C12orf54: variants seen among roughly 807,000 people sequenced by gnomAD.
C12orf54 encodes the protein chromosome 12 open reading frame 54, also known as uncharacterized protein C12orf54.
In C12orf54, 24 loss-of-function variants were observed where a neutral mutation model predicts 26.4. The observed-to-expected ratio is 0.91, with a 90% CI of 0.66 to 1.28. The LOEUF is 1.28. Ranked by LOEUF, C12orf54 falls within the 50% of genes most tolerant of loss-of-function variation. C12orf54 has a pLI of 0.00. For missense variants in C12orf54, 154 were observed against 150.9 expected (o/e 1.02, Z -0.11); for synonymous variants, 54 against 47.0 (o/e 1.15, Z -0.61).
intron 8 of C12orf54, among the ~76,000 whole-genome samples, chr12:48,495,951 C>A (rs565646433): frequency 6.6e-6 from 1 of 152,282 alleles, no homozygotes; most frequent in Non-Finnish European, 1.5e-5. Flanking sequence ...ACATAGACAG[C>A]AAGTGTAGGA....
intron 2 of C12orf54, among the ~76,000 whole-genome samples, chr12:48,484,135 C>T (rs762768922): frequency 6.6e-5 from 10 of 152,104 alleles, no homozygotes; most frequent in South Asian, 4.1e-4. Flanking sequence ...GCGGAGGTTG[C>T]GGTGAGCCGG....
the C12orf54 span, among the ~76,000 whole-genome samples, chr12:48,459,359 G>A: frequency 2.0e-5 from 3 of 152,034 alleles, no homozygotes; most frequent in Non-Finnish European, 2.9e-5. Context: ...TTGGGCCAAC[G>A]GAAAGTGAGT....
At chr12:48,427,833 A>G in the C12orf54 span, among the ~76,000 whole-genome samples, 2 of 152,102 alleles carry the variant, frequency 1.3e-5, no homozygotes, top group African/African-American at 4.8e-5. Context: ...TAACAGGTGT[A>G]TATAGAACAT....
chr12:48,463,539 G>A, the C12orf54 span, among the ~76,000 whole-genome samples: 1 of 151,620 alleles, frequency 6.6e-6, no homozygotes, highest in African/African-American at 2.4e-5. Context: ...AAAAATTGAG[G>A]AGGAGGGACT....
chr12:48,417,128 C>T, the C12orf54 span: 1 of 152,142 alleles, frequency 6.6e-6, no homozygotes, highest in African/African-American at 2.4e-5. Flanking sequence ...TATTATGTGA[C>T]AGCAGAAAAA....
At chr12:48,419,288 T>C in the C12orf54 span, among the ~76,000 whole-genome samples, 1 of 152,202 alleles carries the variant, frequency 6.6e-6, no homozygotes, top group South Asian at 2.1e-4. Flanking sequence ...AAAGCCCTAG[T>C]TCTGTTTCTT....
upstream of C12orf54, among the ~76,000 whole-genome samples, chr12:48,480,080 A>G (rs957879925): frequency 6.6e-6 from 1 of 152,154 alleles, no homozygotes; most frequent in African/African-American, 2.4e-5. Context: ...TCTTCATTAA[A>G]AGCTTCATTT....
the C12orf54 span, among the ~76,000 whole-genome samples, chr12:48,445,661 A>G: frequency 1.3e-5 from 2 of 152,222 alleles, no homozygotes; most frequent in Non-Finnish European, 1.5e-5. Flanking sequence ...AAGATATAGG[A>G]AAGAGATCTT....
At chr12:48,437,002 C>G in the C12orf54 span, among the ~76,000 whole-genome samples, 1 of 134,396 alleles carries the variant, frequency 7.4e-6, no homozygotes, top group Non-Finnish European at 1.6e-5. Context: ...AATTGATAGA[C>G]TGCTAGCAAG....
chr12:48,473,049 A>C, the C12orf54 span: 2 of 1,614,122 alleles, frequency 1.2e-6, no homozygotes, highest in Non-Finnish European at 1.7e-6. Context: ...AACCAACCTG[A>C]ACAACTACTG....
upstream of C12orf54, among the ~76,000 whole-genome samples, chr12:48,480,576 G>A (rs1954188576): frequency 1.3e-5 from 2 of 152,154 alleles, no homozygotes; most frequent in African/African-American, 4.8e-5. Flanking sequence ...TAAGTCAAAA[G>A]ATAACAGATG....
chr12:48,455,056 C>T, the C12orf54 span, among the ~76,000 whole-genome samples: 1 of 152,160 alleles, frequency 6.6e-6, no homozygotes, highest in African/African-American at 2.4e-5. Context: ...TTTCATCATC[C>T]AGGTAGTGAG....
chr12:48,492,807 G>A (rs1592204493), intron 6 of C12orf54, 140 bp from the exon 7 acceptor site: 2 of 689,176 alleles, frequency 2.9e-6, no homozygotes, highest in East Asian at 5.4e-5. Flanking sequence ...TCTCTGATGG[G>A]CCTGTTAGGT....
chr12:48,492,160 C>T (rs192236458), intron 6 of C12orf54, among the ~76,000 whole-genome samples: 1 of 152,232 alleles, frequency 6.6e-6, no homozygotes, highest in African/African-American at 2.4e-5. Context: ...TCTGGAACCA[C>T]TCTATGCTTT....
intron 2 of C12orf54, 91 bp from the exon 3 acceptor site, chr12:48,486,086 AT>A: frequency 7.9e-7 from 1 of 1,271,448 alleles, no homozygotes; most frequent in Non-Finnish European, 1.1e-6. Context: ...AACTTCAAGA[AT>A]TCCTGCTAGG....
the C12orf54 span, among the ~76,000 whole-genome samples, chr12:48,467,187 AC>A: frequency 6.6e-6 from 1 of 152,200 alleles, no homozygotes. Context: ...TGATGGGAAG[AC>A]AGAGGTAGAG....
chr12:48,456,977 G>A, the C12orf54 span, among the ~76,000 whole-genome samples: 3 of 152,084 alleles, frequency 2.0e-5, no homozygotes, highest in Non-Finnish European at 4.4e-5. Context: ...TGAATATTTA[G>A]ATGTGATCCT....
At chr12:48,440,290 T>G in the C12orf54 span, among the ~76,000 whole-genome samples, 2 of 152,132 alleles carry the variant, frequency 1.3e-5, no homozygotes, top group Non-Finnish European at 2.9e-5. Context: ...CTTGTTCTCT[T>G]TGAGTTTATG....
In C12orf54 at chr12:48,488,189, C is replaced by G. The variant is rs1293368305; in HGVS notation, c.136-735C>G. On this transcript the variant is annotated intron_variant, in intron 4 of 8. Coordinates refer to ENST00000548364, the MANE Select transcript of C12orf54 (RefSeq NM_152319.4). Reference sequence around the variant, plus strand: ...AGGGTATCCAGTATCTCCATGATTACCTTCATTGGCCCCTGGAGTCTGTGC... The same window carrying G: ...AGGGTATCCAGTATCTCCATGATTAGCTTCATTGGCCCCTGGAGTCTGTGC... The G allele has an allele frequency of 5.6e-6, 4 of 716,508 alleles. No individual in the cohort carries two copies. The South Asian group carries it at 5.7e-5, about 10-fold the overall frequency. The allele number at this position is 716,508 out of a possible 1,614,324, so 44.4% of individuals were successfully genotyped here. A position where few individuals can be genotyped will look rare whatever the true frequency, so the allele number is the denominator to read the frequency against.
Sources: gnomAD v4.1 joint callset for allele counts (sites outside exome capture counted in the v4.1 genomes callset) on GRCh38, gnomAD v4.1.1 for gene constraint, MANE v1.5 for transcripts, NCBI Gene and HGNC (gene_info 2026-07-23, HGNC 2026-07-21) for gene names.